The following C3orf20 variants were observed in gnomAD, a reference collection of about 807,000 sequenced individuals.
The protein encoded by C3orf20 is uncharacterized protein C3orf20.
C3orf20 carries 76 observed loss-of-function variants against 88.3 expected under a neutral mutation model. That is an observed-to-expected ratio of 0.86 (90% CI 0.72 to 1.04). The LOEUF is 1.04. Ranked by LOEUF, C3orf20 falls within the 50% of genes least tolerant of loss-of-function variation. The pLI, the probability that C3orf20 is intolerant of heterozygous loss-of-function variation, is 0.00. For synonymous variants in C3orf20, 436 were observed against 437.4 expected, an observed-to-expected ratio of 1.00 and a Z score of 0.04; for missense variants, 1,056 against 1,123.3, an observed-to-expected ratio of 0.94 and a Z score of 0.86.
At chr3:14,678,653 G>T (rs1485221657) in intron 1 of C3orf20, among the ~76,000 whole-genome samples, 4 of 152,202 alleles carry the variant, frequency 2.6e-5, no homozygotes, top group African/African-American at 9.7e-5. Context: ...TGTGGGAATT[G>T]CATCTTGAAG....
chr3:14,704,068 C>A (rs924717807), intron 6 of C3orf20, among the ~76,000 whole-genome samples: 1 of 152,272 alleles, frequency 6.6e-6, no homozygotes, highest in Non-Finnish European at 1.5e-5. Context: ...GACCCACCCC[C>A]CAACTTCCAC....
intron 12 of C3orf20, among the ~76,000 whole-genome samples, chr3:14,754,334 C>G (rs1390144330): frequency 6.6e-6 from 1 of 152,192 alleles, no homozygotes; most frequent in African/African-American, 2.4e-5. Context: ...CCTCAGGGAA[C>G]CTCTAGACAG....
chr3:14,676,262 G>A (rs1395524489), intron 1 of C3orf20, among the ~76,000 whole-genome samples: 1 of 151,974 alleles, frequency 6.6e-6, no homozygotes, highest in Non-Finnish European at 1.5e-5. Context: ...CCCAGCCCAG[G>A]TCTCCCAGGT....
intron 4 of C3orf20, among the ~76,000 whole-genome samples, chr3:14,687,097 T>A (rs1278178170): frequency 2.0e-5 from 3 of 152,142 alleles, no homozygotes; most frequent in Non-Finnish European, 4.4e-5. Context: ...GAATACAGGA[T>A]CATGACTCCA....
chr3:14,715,371 A>G lies in C3orf20; in HGVS notation c.1396A>G (p.Thr466Ala). The G allele has an allele frequency of 6.2e-7, 1 of 1,612,472 alleles. No homozygotes were observed. Residue 466 changes from threonine (T) to alanine (A), a missense_variant, in exon 9 of 17, where the codon ACT (threonine) becomes GCT (alanine). Physicochemically the swap from Thr to Ala is moderately conservative, Grantham distance 58. Coordinates refer to ENST00000253697, the MANE Select transcript of C3orf20 (RefSeq NM_032137.5). ...CTATGTAGTCCACAAGTGGAGCTGG[A>G]CTTCCAGGACAGAGACCCTGCTTTC... ...QGYVVHKWSW[T>A]SRTETLLSLE...
At chr3:14,724,043 T>C (rs2124980239) in intron 10 of C3orf20, among the ~76,000 whole-genome samples, 1 of 152,152 alleles carries the variant, frequency 6.6e-6, no homozygotes, top group African/African-American at 2.4e-5. Context: ...GGTCTCAAAC[T>C]CCTGACCTTA....
chr3:14,761,354 G>A lies in C3orf20; in HGVS notation c.2353-119G>A, dbSNP rs571967570. 1.1e-4 allele frequency: 133 copies of A among 1,227,126 alleles called. 1 individual carries two copies. The highest frequency in any genetic ancestry group is 7.0e-4 in the Middle Eastern group (3 of 4,258). The allele number at this position is 1,227,126 out of a possible 1,614,324, so 76.0% of individuals were successfully genotyped here. A position where few individuals can be genotyped will look rare whatever the true frequency, so the allele number is the denominator to read the frequency against. ...AGCCACCCCAGGCCTGCCTCACGGC[G>A]TAAGCTCTGAGAGGCCTGTGGCGCT... On this transcript the variant is annotated intron_variant, in intron 14 of 16. Transcript: ENST00000253697.
chr3:14,765,864 G>T (rs1339424655), intron 15 of C3orf20, among the ~76,000 whole-genome samples: 2 of 152,368 alleles, frequency 1.3e-5, no homozygotes, highest in African/African-American at 2.4e-5. Flanking sequence ...AACCCACAAA[G>T]GAGTCGGACC....
Position 14,714,152 on chromosome 3 carries a change from A to G in C3orf20, c.1306A>G (p.Lys436Glu). Residue 436 changes from lysine to glutamate, a missense_variant, in exon 8 of 17, where the codon AAA (lysine) becomes GAA (glutamate). Physicochemically the swap from Lys to Glu is moderately conservative, Grantham distance 56 (BLOSUM62 1). Transcript: ENST00000253697. The stretch of plus-strand genomic sequence containing the variant: ...CCAGGGCTGTGTTCACTACAACCTA[A>G]AAACCAGGTAAGTGGACTGGGAGAG... ...EGQGCVHYNL[K>E]TSCPYVLILD... 1 of 1,613,824 alleles carries G rather than the reference A, an allele frequency of 6.2e-7. No individual in the cohort carries two copies. The highest frequency in any genetic ancestry group is 8.5e-7 in the Non-Finnish European group (1 of 1,179,978).
At chr3:14,724,336 G>A (rs1158314119) in intron 10 of C3orf20, among the ~76,000 whole-genome samples, 2 of 152,184 alleles carry the variant, frequency 1.3e-5, no homozygotes, top group Non-Finnish European at 2.9e-5. Flanking sequence ...TTGGAATGCA[G>A]CTGAGAACCA....
intron 13 of C3orf20, 101 bp downstream of exon 13, chr3:14,757,775 C>A: frequency 9.0e-7 from 1 of 1,114,996 alleles, no homozygotes; most frequent in Non-Finnish European, 1.3e-6. Context: ...GAGCACCTGC[C>A]TGAGGGGCCA....
At chr3:14,687,072 G>A (rs952338455) in intron 4 of C3orf20, among the ~76,000 whole-genome samples, 2 of 152,162 alleles carry the variant, frequency 1.3e-5, no homozygotes, top group Admixed American at 6.5e-5. Flanking sequence ...GCCGCCTGCC[G>A]CAGAAGGGAA....
Position 14,684,784 on chromosome 3 carries a change from T to C in C3orf20, c.625+402T>C, listed in dbSNP as rs1037672295. ...GCCTCTCAGTGCTCACCTTCAGTTT[T>C]TGTGCTCACCTGGTCATGGCCTATG... On this transcript the variant is annotated intron_variant, in intron 4 of 16. Coordinates refer to ENST00000253697, the MANE Select transcript of C3orf20 (RefSeq NM_032137.5). 1.1e-4 allele frequency among the ~76,000 whole-genome samples: 17 copies of C among 152,256 alleles called. 1 individual carries two copies. Among genetic ancestry groups the C allele is most frequent in the Admixed American group, 9.2e-4 (14 of 15,288 alleles).
intron 4 of C3orf20, 60 bp downstream of exon 4, chr3:14,684,442 A>G (rs2124890028): frequency 2.5e-6 from 4 of 1,574,572 alleles, no homozygotes; most frequent in Admixed American, 1.8e-5. Context: ...CAGGAATGCA[A>G]TGGAAAGGCA....
At chr3:14,749,952 T>C (rs2035173185) in intron 12 of C3orf20, among the ~76,000 whole-genome samples, 2 of 151,912 alleles carry the variant, frequency 1.3e-5, no homozygotes, top group Non-Finnish European at 2.9e-5. Flanking sequence ...CATTAACACA[T>C]ATGTACAATT....
intron 12 of C3orf20, among the ~76,000 whole-genome samples, chr3:14,731,435 G>A (rs1415340786): frequency 6.6e-6 from 1 of 152,088 alleles, no homozygotes; most frequent in Non-Finnish European, 1.5e-5. Context: ...TCACGGATAA[G>A]GTTTATTATA....
chr3:14,762,376 A>G (rs1360318429), intron 15 of C3orf20, among the ~76,000 whole-genome samples: 1 of 152,338 alleles, frequency 6.6e-6, no homozygotes, highest in Non-Finnish European at 1.5e-5. Context: ...CCTAGCTTTG[A>G]GTGGCTCAAG....
chr3:14,736,704 C>T (rs971275191), intron 12 of C3orf20, among the ~76,000 whole-genome samples: 1 of 151,586 alleles, frequency 6.6e-6, no homozygotes, highest in African/African-American at 2.4e-5. Context: ...GTAGCTGGGA[C>T]TACAGGCATA....
At position 14,772,742 on chromosome 3, in the gene C3orf20, CT is replaced by C; in HGVS notation, c.2631-48del. On this transcript the variant is annotated intron_variant, in intron 16 of 16. Coordinates refer to ENST00000253697, the MANE Select transcript of C3orf20 (RefSeq NM_032137.5). The surrounding 1 kb of genome is among the most constrained non-coding windows in gnomAD (Gnocchi z 4.2). The stretch of plus-strand genomic sequence containing the variant: ...CCCAACCGGGCCTGGGCTCTGGGCA[CT>C]GTGAAGAACAGCCCTTCCGCCTCCC... 2 of 1,497,072 alleles carry C rather than the reference CT, an allele frequency of 1.3e-6. No individual in the cohort carries two copies. The highest frequency in any genetic ancestry group is 9.3e-7 in the Non-Finnish European group (1 of 1,075,858). The allele number at this position is 1,497,072 out of a possible 1,614,324, so 92.7% of individuals were successfully genotyped here.
Sources: allele counts gnomAD v4.1 joint callset (sites outside exome capture counted in the v4.1 genomes callset), GRCh38; gene constraint gnomAD v4.1.1; non-coding constraint Gnocchi (gnomAD v3.1); transcripts MANE v1.5; gene names NCBI Gene and HGNC (gene_info 2026-07-23, HGNC 2026-07-21).